TBX5: variants seen among roughly 807,000 people sequenced by gnomAD.
TBX5 encodes the protein T-box transcription factor 5, also known as T-box transcription factor TBX5.
A neutral mutation model predicts 51.1 loss-of-function variants in TBX5; 8 were observed. The ratio of observed to expected loss-of-function variants is 0.16; its 90% CI spans 0.09 to 0.28. The LOEUF (loss-of-function observed/expected upper bound fraction) is 0.28, where lower values mean the gene tolerates loss of function less well. Among genes scored for constraint, TBX5 ranks in the 10% least tolerant of loss-of-function variants. The probability of loss-of-function intolerance (pLI) is 1.00; values close to 1 mark genes in which losing one functional copy is unlikely to be tolerated. For missense variants in TBX5, 589 were observed against 671.7 expected, an observed-to-expected ratio of 0.88 and a Z score of 1.36; for synonymous variants, 302 against 266.4, an observed-to-expected ratio of 1.13 and a Z score of -1.30.
intron 1 of TBX5, among the ~76,000 whole-genome samples, 193 bp from the exon 2 acceptor site, chr12:114,404,129 G>T (rs1021830221): frequency 6.6e-6 from 1 of 152,188 alleles, no homozygotes; most frequent in African/African-American, 2.4e-5. Flanking sequence ...ATTCCTAGTA[G>T]TATTACTATT....
In TBX5 at chr12:114,396,490, C is replaced by A. The variant is rs773742405; in HGVS notation, c.511-1597G>T. Among the ~76,000 whole-genome samples, 17 of 152,264 alleles carry A rather than the reference C, an allele frequency of 1.1e-4. 1 individual carries two copies. Among genetic ancestry groups the A allele is most frequent in the Non-Finnish European group, 2.4e-4 (16 of 68,020 alleles). ...GGGAATGCCTGGCTTCTAGGCAGTT[C>A]TGAGCAGCTCCGAGCCCCTCTCCCC... is the stretch of plus-strand genomic sequence containing the variant. On this transcript the variant is annotated intron_variant, in intron 5 of 8. Transcript: ENST00000405440.
intron 7 of TBX5, among the ~76,000 whole-genome samples, chr12:114,375,884 A>C (rs1308108991): frequency 6.6e-6 from 1 of 152,122 alleles, no homozygotes; most frequent in Non-Finnish European, 1.5e-5. Flanking sequence ...TCTCTACTGA[A>C]ATTGAAAAAC....
At chr12:114,382,001 C>A (rs1870530013) in intron 7 of TBX5, among the ~76,000 whole-genome samples, 1 of 152,210 alleles carries the variant, frequency 6.6e-6, no homozygotes, top group African/African-American at 2.4e-5. Context: ...AGTTCCTACC[C>A]ATCAAGGACA....
intron 5 of TBX5, among the ~76,000 whole-genome samples, chr12:114,396,751 C>A (rs1871456966): frequency 6.6e-6 from 1 of 152,156 alleles, no homozygotes; most frequent in Non-Finnish European, 1.5e-5. Flanking sequence ...GCATGTGGAA[C>A]CTTTAGAAAT....
At chr12:114,357,727 C>T (rs117797949) in intron 8 of TBX5, among the ~76,000 whole-genome samples, 2 of 152,310 alleles carry the variant, frequency 1.3e-5, no homozygotes, top group Admixed American at 6.5e-5. Flanking sequence ...AAGTATAAAC[C>T]TCAACACAGA....
intron 8 of TBX5, among the ~76,000 whole-genome samples, chr12:114,365,342 C>G (rs896757125): frequency 4.6e-5 from 7 of 152,092 alleles, no homozygotes; most frequent in African/African-American, 7.2e-5. Flanking sequence ...AGCAACCTCC[C>G]TGCCTACCAG....
At position 114,366,230 on chromosome 12, in the gene TBX5, G is replaced by A. The variant is rs1344205597; in HGVS notation, c.917C>T (p.Pro306Leu). The A allele has an allele frequency of 3.7e-6, 6 of 1,613,982 alleles. No homozygotes were observed. The highest frequency in any genetic ancestry group is 1.7e-5 in the Admixed American group (1 of 59,994). ...GVSGPSQDLL[P>L]PPNPYPLPQE... ...GGGCAGTGGGTATGGGTTGGGTGGA[G>A]GCAGGAGGTCCTGGGAGGGGCCGGA... Residue 306 changes from proline (P) to leucine (L), a missense_variant, in exon 8 of 9, where the codon CCT becomes CTT. Physicochemically the swap from Pro to Leu is moderately conservative, Grantham distance 98. Transcript: ENST00000405440.
intron 7 of TBX5, among the ~76,000 whole-genome samples, chr12:114,382,295 C>T (rs1198258837): frequency 3.3e-5 from 5 of 152,160 alleles, no homozygotes; most frequent in Admixed American, 1.3e-4. Context: ...GCCTGGGCAA[C>T]AGAGCGAGGC....
chr12:114,385,621 C>A (rs1487198477), intron 6 of TBX5, 54 bp from the exon 7 acceptor site: 19 of 1,406,714 alleles, frequency 1.4e-5, no homozygotes, highest in Non-Finnish European at 1.9e-5. Context: ...TGCTGCAAGA[C>A]CACCTCAGGA....
At chr12:114,401,432 C>T (rs1251248732) in intron 3 of TBX5, among the ~76,000 whole-genome samples, 1 of 152,160 alleles carries the variant, frequency 6.6e-6, no homozygotes, top group Non-Finnish European at 1.5e-5. Context: ...CCCTGAAACC[C>T]AAAAACCTTC....
chr12:114,404,518 G>T, intron 1 of TBX5, among the ~76,000 whole-genome samples: 1 of 152,088 alleles, frequency 6.6e-6, no homozygotes, highest in Admixed American at 6.5e-5. Context: ...TTGAGACTAG[G>T]TTCAAAAGAG....
At chr12:114,392,047 C>G (rs1018340743) in intron 6 of TBX5, among the ~76,000 whole-genome samples, 3 of 151,808 alleles carry the variant, frequency 2.0e-5, no homozygotes, top group Non-Finnish European at 4.4e-5. Flanking sequence ...TCAATCAATA[C>G]AGAAAAAAAA....
At chr12:114,402,376 T>C (rs1871887311) in intron 2 of TBX5, among the ~76,000 whole-genome samples, 1 of 152,084 alleles carries the variant, frequency 6.6e-6, no homozygotes, top group Admixed American at 6.5e-5. Flanking sequence ...AGGAACCTAA[T>C]CTAGAAAACC....
chr12:114,404,022 G>A, intron 1 of TBX5, 86 bp from the exon 2 acceptor site: 2 of 1,447,830 alleles, frequency 1.4e-6, no homozygotes, highest in South Asian at 1.2e-5. Flanking sequence ...TCTAGTGACA[G>A]GAGGGAGCAG....
At chr12:114,379,102 G>A (rs1262026806) in intron 7 of TBX5, among the ~76,000 whole-genome samples, 1 of 152,198 alleles carries the variant, frequency 6.6e-6, no homozygotes, top group Non-Finnish European at 1.5e-5. Flanking sequence ...GTGCCAAGCT[G>A]GACATCCTGC....
chr12:114,377,455 A>C (rs1870255704), intron 7 of TBX5, among the ~76,000 whole-genome samples: 1 of 152,066 alleles, frequency 6.6e-6, no homozygotes, highest in Non-Finnish European at 1.5e-5. Context: ...CAGTGGCATA[A>C]TCACAGCTCA....
intron 8 of TBX5, among the ~76,000 whole-genome samples, chr12:114,359,593 C>T (rs143741338): frequency 1.5e-4 from 23 of 152,280 alleles, no homozygotes; most frequent in African/African-American, 5.1e-4. Context: ...GTAAATTCTT[C>T]CTGATTCTGA....
At position 114,355,700 on chromosome 12, in the gene TBX5, GTGGGCCACGGAGGTCTGGTGC is replaced by G; in HGVS notation, c.1368_1388del (p.Gln456_Ala462del). Reference sequence around the variant, plus strand: ...GCCCACACTGCCTGACCACAGGCTGGTGGGCCACGGAGGTCTGGTGCTGGAACATTCCCTCTCCCAGCTGTG... The same window carrying G: ...GCCCACACTGCCTGACCACAGGCTGGTGGAACATTCCCTCTCCCAGCTGTG... On this transcript the variant is annotated inframe_deletion, in exon 9 of 9. Coordinates refer to ENST00000405440, the MANE Select transcript of TBX5 (RefSeq NM_181486.4). The G allele has an allele frequency of 6.2e-7, 1 of 1,613,946 alleles. No homozygotes were observed. The highest frequency in any genetic ancestry group is 8.5e-7 in the Non-Finnish European group (1 of 1,179,902).
intron 6 of TBX5, among the ~76,000 whole-genome samples, chr12:114,387,588 A>G (rs1482963827): frequency 6.6e-6 from 1 of 152,164 alleles, no homozygotes. Flanking sequence ...AAAGGCAGGT[A>G]CACATCATTA....
Sources: allele counts gnomAD v4.1 joint callset (sites outside exome capture counted in the v4.1 genomes callset), GRCh38; gene constraint gnomAD v4.1.1; transcripts MANE v1.5; gene names NCBI Gene and HGNC (gene_info 2026-07-23, HGNC 2026-07-21).